The following KLHL30 variants were observed in gnomAD, a reference collection of about 807,000 sequenced individuals.
KLHL30 encodes the protein kelch-like protein 30.
KLHL30 carries 55 observed loss-of-function variants against 55.0 expected under a neutral mutation model. That is an observed-to-expected ratio of 1.00 (90% CI 0.80 to 1.25). The LOEUF (loss-of-function observed/expected upper bound fraction) is 1.25, where lower values mean the gene tolerates loss of function less well. KLHL30 is among the 50% of genes most tolerant of loss of function. The pLI, the probability that KLHL30 is intolerant of heterozygous loss-of-function variation, is 0.00. For missense variants in KLHL30, 786 were observed against 811.6 expected (o/e 0.97, Z 0.38); for synonymous variants, 356 against 372.6 (o/e 0.96, Z 0.51).
chr2:238,140,436 C>T (rs1335674678), intron 1 of KLHL30, among the ~76,000 whole-genome samples: 1 of 152,194 alleles, frequency 6.6e-6, no homozygotes, highest in Non-Finnish European at 1.5e-5. Context: ...CCCTGAATGC[C>T]TGGCCATGGG....
chr2:238,148,012 C>A lies in KLHL30; in HGVS notation c.1329C>A (p.Asn443Lys). The A allele has an allele frequency of 6.9e-7, 1 of 1,459,362 alleles. No individual in the cohort carries two copies. Among genetic ancestry groups the A allele is most frequent in the Non-Finnish European group, 9.1e-7 (1 of 1,097,014 alleles). 90.4% of individuals were successfully genotyped at this position (1,459,362 alleles called of 1,614,324 possible). ...KYNALALQCY[N>K]PVTDAWSVIA... ...ACGCCCTGGCCCTGCAGTGCTACAA[C>A]CCTGTCACAGGTGGGTGGGGCTCAG... is the stretch of plus-strand genomic sequence containing the variant. Residue 443 changes from asparagine (N) to lysine (K), a missense_variant, in exon 6 of 8, where the codon AAC becomes AAA. Physicochemically the swap from Asn to Lys is moderately conservative, Grantham distance 94. Coordinates refer to ENST00000409223, the MANE Select transcript of KLHL30 (RefSeq NM_198582.4).
intron 1 of KLHL30, 39 bp from the exon 2 acceptor site, chr2:238,140,646 C>A: frequency 8.4e-7 from 1 of 1,191,982 alleles, no homozygotes; most frequent in Non-Finnish European, 1.2e-6. Flanking sequence ...GAGGATGAGA[C>A]CATCCCCACT....
intron 1 of KLHL30, among the ~76,000 whole-genome samples, chr2:238,139,621 C>T (rs1329192284): frequency 6.6e-6 from 1 of 152,212 alleles, no homozygotes; most frequent in African/African-American, 2.4e-5. Flanking sequence ...TGCACCGTGG[C>T]TGCCCGGGCC....
chr2:238,140,911 C>T lies in KLHL30; in HGVS notation c.157C>T (p.Leu53Phe). Reference sequence around the variant, plus strand: ...GCCATGCCACCGCGGCCTCCTGGCGCTCAGCAGCCCCTACTTCCATGCCAT... The same window carrying T: ...GCCATGCCACCGCGGCCTCCTGGCGTTCAGCAGCCCCTACTTCCATGCCAT... ...ELPCHRGLLA[L>F]SSPYFHAMFA... The change falls in exon 2 of 8, where the codon CTC (leucine) becomes TTC (phenylalanine). Residue 53 changes from leucine (L) to phenylalanine (F), a missense_variant. Coordinates refer to ENST00000409223, the MANE Select transcript of KLHL30 (RefSeq NM_198582.4). The T allele has an allele frequency of 6.2e-7, 1 of 1,610,794 alleles. No homozygotes were observed. The highest frequency in any genetic ancestry group is 8.5e-7 in the Non-Finnish European group (1 of 1,178,392).
intron 7 of KLHL30, among the ~76,000 whole-genome samples, chr2:238,149,396 G>A (rs1260324135): frequency 1.3e-5 from 2 of 151,910 alleles, no homozygotes; most frequent in African/African-American, 4.8e-5. Flanking sequence ...ACAATGAAGG[G>A]GGTGGTGCAG....
rs200898308 is a variant in KLHL30 at position 238,147,950 on chromosome 2, C to A, written c.1267C>A (p.Arg423=). The change falls in exon 6 of 8, where the codon CGG becomes AGG. Residue 423 remains arginine, a synonymous_variant. Transcript: ENST00000409223. The surrounding 1 kb of genome is among the most constrained non-coding windows in gnomAD (Gnocchi z 5.8). ...SNFSAAGCRG[R]LYLVGSSACK... The stretch of plus-strand genomic sequence containing the variant: ...CTTCTCGGCTGCCGGCTGCCGGGGC[C>A]GGCTCTACCTGGTGGGCTCCAGCGC... 3 of 1,584,424 alleles carry A rather than the reference C, an allele frequency of 1.9e-6. No homozygotes were observed. Among genetic ancestry groups the A allele is most frequent in the African/African-American group, 1.3e-5 (1 of 74,254 alleles).
rs924214681 is a variant in KLHL30, at chr2:238,145,680, G to A, written c.998G>A (p.Gly333Asp). The change falls in exon 5 of 8, where the codon GGC (glycine) becomes GAC (aspartate). Residue 333 changes from glycine (G) to aspartate (D), a missense_variant. Coordinates refer to ENST00000409223, the MANE Select transcript of KLHL30 (RefSeq NM_198582.4). ...TAGACAGAACTTCTCCCGGCAGGTG[G>A]CTCTCGGGGCACAAAGACAGACACC... ...ALNNNIYVTG[G>D]SRGTKTDTWS... 3 of 1,575,536 alleles carry A rather than the reference G, an allele frequency of 1.9e-6. No individual in the cohort carries two copies. Among genetic ancestry groups the A allele is most frequent in the Non-Finnish European group, 2.6e-6 (3 of 1,162,566 alleles).
rs1277472216 is a variant in KLHL30, at chr2:238,140,895, C to A, written c.141C>A (p.His47Gln). The change falls in exon 2 of 8, where the codon CAC (histidine) becomes CAA (glutamine). Residue 47 changes from histidine to glutamine, a missense_variant. By Grantham distance (24) the His-to-Gln change is conservative (BLOSUM62 0). Transcript: ENST00000409223. ...TGGGCGGCCGGGAGCTGCCATGCCA[C>A]CGCGGCCTCCTGGCGCTCAGCAGCC... Reference protein sequence around the residue: ...LLVGGRELPCHRGLLALSSPY... With the variant: ...LLVGGRELPCQRGLLALSSPY... The A allele has an allele frequency of 6.2e-7, 1 of 1,611,166 alleles. No homozygotes were observed. Among genetic ancestry groups the A allele is most frequent in the Admixed American group, 1.7e-5 (1 of 59,968 alleles).
intron 3 of KLHL30, among the ~76,000 whole-genome samples, chr2:238,144,432 A>AAGGAAAGAAGGAAGGAAGGCAGGC (rs1692608040): frequency 2.4e-5 from 2 of 82,380 alleles, no homozygotes; most frequent in Non-Finnish European, 5.2e-5. Context: ...GGAAGGAAGG[A>AAGGAAAGAAGGAAGGAAGGCAGGC]AGGCAGGCAG....
intron 1 of KLHL30, among the ~76,000 whole-genome samples, chr2:238,140,448 A>G (rs1435092451): frequency 6.6e-6 from 1 of 152,124 alleles, no homozygotes; most frequent in African/African-American, 2.4e-5. Flanking sequence ...GGCCATGGGT[A>G]GGTCTCCCAC....
rs1488557711 is a variant in KLHL30, at chr2:238,148,918, T to C, written c.1340-89T>C. 3 of 1,341,232 alleles carry C rather than the reference T, an allele frequency of 2.2e-6. No individual in the cohort carries two copies. In the East Asian group the frequency reaches 7.5e-5, roughly 34 times the overall value. 83.1% of individuals were successfully genotyped at this position (1,341,232 alleles called of 1,614,324 possible). A position where few individuals can be genotyped will look rare whatever the true frequency, so the allele number is the denominator to read the frequency against. On this transcript the variant is annotated intron_variant, in intron 6 of 7. Coordinates refer to ENST00000409223, the MANE Select transcript of KLHL30 (RefSeq NM_198582.4). ...GGTTCACTGAGGTTCAGAGAGGCAC[T>C]GAGTCCAGGGTCCCTCAGAGTGGGG...
In KLHL30 at chr2:238,142,919, A is replaced by G; in HGVS notation, c.895A>G (p.Asn299Asp). 3 of 1,506,810 alleles carry G rather than the reference A, an allele frequency of 2.0e-6. No individual in the cohort carries two copies. Among genetic ancestry groups the G allele is most frequent in the Non-Finnish European group, 1.8e-6 (2 of 1,140,866 alleles). The allele number at this position is 1,506,810 out of a possible 1,614,324, so 93.3% of individuals were successfully genotyped here. Residue 299 changes from asparagine (N) to aspartate (D), a missense_variant, in exon 3 of 8, where the codon AAC becomes GAC. Physicochemically the swap from Asn to Asp is conservative, Grantham distance 23. Transcript: ENST00000409223. ...TPGLGNFAFY[N>D]SKAKRWMALP... ...CGGCCTTGGGAACTTTGCCTTCTAC[A>G]ACAGCAAGGCCAGTGAGTACCCCTC... is the stretch of plus-strand genomic sequence containing the variant.
chr2:238,148,680 G>A (rs1367126186), intron 6 of KLHL30, among the ~76,000 whole-genome samples: 2 of 147,226 alleles, frequency 1.4e-5, no homozygotes, highest in Non-Finnish European at 3.0e-5. Flanking sequence ...GCAGTCCCCA[G>A]TCAGGGTGGG....
chr2:238,141,750 G>A (rs750373944), intron 2 of KLHL30, among the ~76,000 whole-genome samples: 4 of 152,242 alleles, frequency 2.6e-5, no homozygotes, highest in Non-Finnish European at 5.9e-5. Flanking sequence ...AGGGGCAGGG[G>A]AATGTGGAAG....
Position 238,151,174 on chromosome 2 carries a change from C to T in KLHL30, c.*109C>T. 3.5e-6 allele frequency: 5 copies of T among 1,429,858 alleles called. No individual in the cohort carries two copies. The South Asian group carries it at 5.6e-5, about 16-fold the overall frequency. The allele number at this position is 1,429,858 out of a possible 1,614,324, so 88.6% of individuals were successfully genotyped here. ...TGTTCACTCGGAGCTACCATTCCTT[C>T]CAAGCTGCGCTCAGGCCACCAGGGG... On this transcript the variant is annotated 3_prime_UTR_variant, in exon 8 of 8. Coordinates refer to ENST00000409223, the MANE Select transcript of KLHL30 (RefSeq NM_198582.4).
chr2:238,152,178 G>A lies in KLHL30; in HGVS notation c.*1113G>A, dbSNP rs950739959. 373 of 985,402 alleles carry A rather than the reference G, an allele frequency of 3.8e-4. No homozygotes were observed. Among genetic ancestry groups the A allele is most frequent in the Middle Eastern group, 1.6e-3 (3 of 1,914 alleles). 61.0% of individuals were successfully genotyped at this position (985,402 alleles called of 1,614,324 possible). A position where few individuals can be genotyped will look rare whatever the true frequency, so the allele number is the denominator to read the frequency against. The stretch of plus-strand genomic sequence containing the variant: ...TGCCCCAGAGGCCCTGGGCAGCTCC[G>A]GTCTCCCGCCGGATCCAGGCTTCCT... On this transcript the variant is annotated 3_prime_UTR_variant, in exon 8 of 8. Coordinates refer to ENST00000409223, the MANE Select transcript of KLHL30 (RefSeq NM_198582.4).
chr2:238,146,813 A>G (rs1692656051), intron 5 of KLHL30, among the ~76,000 whole-genome samples: 1 of 151,838 alleles, frequency 6.6e-6, no homozygotes, highest in African/African-American at 2.4e-5. Context: ...CGAGGCCAGG[A>G]GTTCAAGACC....
rs1308765906 is a variant in KLHL30 at position 238,147,071 on chromosome 2, T to A, written c.1151-763T>A. Among the ~76,000 whole-genome samples, 1 of 146,664 alleles carries A rather than the reference T, an allele frequency of 6.8e-6. No homozygotes were observed. Among genetic ancestry groups the A allele is most frequent in the African/African-American group, 2.5e-5 (1 of 39,378 alleles). On this transcript the variant is annotated intron_variant, in intron 5 of 7. Transcript: ENST00000409223. This position sits in a 1 kb window ranked among gnomAD's most constrained non-coding sequence, Gnocchi z 5.8. ...GCCGAGGTAGGAGTATCGCTGAGCC[T>A]GAGAGGTTGAGGCTGCAATGAGCTG...
At position 238,145,770 on chromosome 2, in the gene KLHL30, T is replaced by C. The variant is rs1194874524; in HGVS notation, c.1088T>C (p.Met363Thr). Residue 363 changes from methionine (M) to threonine (T), a missense_variant, in exon 5 of 8, where the codon ATG becomes ACG. By Grantham distance (81) the Met-to-Thr change is moderately conservative. Transcript: ENST00000409223. ...KEASWKPVAPMLKPRTNHASA... is the reference protein window; with the variant it reads ...KEASWKPVAPTLKPRTNHASA... ...GCCTCCTGGAAGCCCGTGGCGCCCATGCTGAAGCCCCGCACCAACCACGCC... is the reference window on the plus strand; with the variant it reads ...GCCTCCTGGAAGCCCGTGGCGCCCACGCTGAAGCCCCGCACCAACCACGCC... The C allele has an allele frequency of 6.2e-7, 1 of 1,606,988 alleles. No homozygotes were observed.
Sources: allele counts gnomAD v4.1 joint callset (sites outside exome capture counted in the v4.1 genomes callset), GRCh38; gene constraint gnomAD v4.1.1; non-coding constraint Gnocchi (gnomAD v3.1); transcripts MANE v1.5; gene names NCBI Gene and HGNC (gene_info 2026-07-23, HGNC 2026-07-21).